The following DPP10 variants were observed in gnomAD, a reference collection of about 807,000 sequenced individuals.
DPP10 encodes inactive dipeptidyl peptidase 10.
DPP10 carries 33 observed loss-of-function variants against 120.9 expected under a neutral mutation model. That is an observed-to-expected ratio of 0.27 (90% CI 0.21 to 0.37). The LOEUF (loss-of-function observed/expected upper bound fraction) is 0.37. DPP10 is among the 10% of genes least tolerant of loss of function. The pLI, the probability that DPP10 is intolerant of heterozygous loss-of-function variation, is 1.00. For synonymous variants in DPP10, 337 were observed against 326.1 expected, an observed-to-expected ratio of 1.03 and a Z score of -0.36; for missense variants, 816 against 942.8, an observed-to-expected ratio of 0.87 and a Z score of 1.76.
chr2:115,105,044 C>T (rs1250458852), intron 1 of DPP10, among the ~76,000 whole-genome samples: 2 of 151,972 alleles, frequency 1.3e-5, no homozygotes, highest in Admixed American at 6.6e-5. Flanking sequence ...TCAACGTTTG[C>T]TTGAATTGAT....
intron 5 of DPP10, among the ~76,000 whole-genome samples, chr2:115,658,084 AC>A (rs2088559088): frequency 6.6e-6 from 1 of 151,986 alleles, no homozygotes; most frequent in South Asian, 2.1e-4. Context: ...TGTATGAACT[AC>A]TATTTTTGGG....
At chr2:114,958,303 TG>T (rs1698359765) in intron 1 of DPP10, among the ~76,000 whole-genome samples, 1 of 152,112 alleles carries the variant, frequency 6.6e-6, no homozygotes, top group Admixed American at 6.6e-5. Flanking sequence ...AACATACTCT[TG>T]AGTTAGGTTT....
At chr2:114,894,274 A>T (rs147902436) in intron 1 of DPP10, among the ~76,000 whole-genome samples, 2 of 152,336 alleles carry the variant, frequency 1.3e-5, no homozygotes, top group East Asian at 3.9e-4. Flanking sequence ...CTGTCAGACT[A>T]CAAGGTGCAT....
rs139799665 is a variant in DPP10, at chr2:115,232,164, A to AG, written c.61-77073dup. On this transcript the variant is annotated intron_variant, in intron 1 of 25. Coordinates refer to ENST00000410059, the MANE Select transcript of DPP10 (RefSeq NM_020868.6). ...ACACACTTTCCACCTTGGCATCGGAAGGCTCCCCTGTAACATTCTAGCCTG... is the reference window on the plus strand; with the variant it reads ...ACACACTTTCCACCTTGGCATCGGAAGGGCTCCCCTGTAACATTCTAGCCTG... 2.2e-3 allele frequency among the ~76,000 whole-genome samples: 332 copies of AG among 152,224 alleles called. 8 individuals are homozygous for AG. The East Asian group carries it at 0.053, about 24-fold the overall frequency.
At chr2:115,279,172 ACAT>A (rs1478436422) in intron 1 of DPP10, among the ~76,000 whole-genome samples, 1 of 152,018 alleles carries the variant, frequency 6.6e-6, no homozygotes, top group Non-Finnish European at 1.5e-5. Flanking sequence ...TGGCTCATGG[ACAT>A]CATTGATTTG....
At chr2:115,129,683 C>T (rs548369276) in intron 1 of DPP10, among the ~76,000 whole-genome samples, 46 of 152,286 alleles carry the variant, frequency 3.0e-4, no homozygotes, top group Non-Finnish European at 5.4e-4. Flanking sequence ...CTGATTACAC[C>T]TGATAGCCCA....
At chr2:114,548,998 T>G (rs1687649255) in intron 1 of DPP10, among the ~76,000 whole-genome samples, 1 of 152,162 alleles carries the variant, frequency 6.6e-6, no homozygotes, top group African/African-American at 2.4e-5. Context: ...CACGAGCACA[T>G]AGAAATAAAA....
At chr2:115,330,270 C>G (rs1267028572) in intron 2 of DPP10, among the ~76,000 whole-genome samples, 1 of 152,112 alleles carries the variant, frequency 6.6e-6, no homozygotes, top group Non-Finnish European at 1.5e-5. Context: ...CTTTTGCCCA[C>G]TTTTTGTTGG....
chr2:115,482,116 C>T (rs768692689), intron 3 of DPP10, among the ~76,000 whole-genome samples: 3 of 152,008 alleles, frequency 2.0e-5, no homozygotes, highest in African/African-American at 7.2e-5. Flanking sequence ...GTATTTGAAA[C>T]TTTTGTCATC....
chr2:115,339,791 G>C (rs927666993), intron 2 of DPP10, among the ~76,000 whole-genome samples: 1 of 152,162 alleles, frequency 6.6e-6, no homozygotes, highest in African/African-American at 2.4e-5. Context: ...GTAGTGGTTG[G>C]TTGCCAAGGG....
At chr2:115,528,710 A>G in intron 5 of DPP10, among the ~76,000 whole-genome samples, 1 of 152,166 alleles carries the variant, frequency 6.6e-6, no homozygotes, top group East Asian at 1.9e-4. Context: ...CAATGTAGAC[A>G]GAAACATGGA....
intron 13 of DPP10, among the ~76,000 whole-genome samples, chr2:115,770,891 A>G (rs536159660): frequency 6.6e-6 from 1 of 152,226 alleles, no homozygotes; most frequent in East Asian, 1.9e-4. Context: ...ATTTTCCCCT[A>G]AAGATTGCAA....
intron 7 of DPP10, among the ~76,000 whole-genome samples, chr2:115,715,034 A>C (rs2092444615): frequency 1.3e-5 from 2 of 150,142 alleles, no homozygotes; most frequent in African/African-American, 4.9e-5. Flanking sequence ...GTCTCAAAAA[A>C]AAAAAAAAAA....
chr2:115,744,631 C>T (rs1048411819), intron 9 of DPP10, among the ~76,000 whole-genome samples: 2 of 150,328 alleles, frequency 1.3e-5, no homozygotes, highest in African/African-American at 2.4e-5. Flanking sequence ...TGGCTCAAAA[C>T]TTCTAACCTG....
intron 1 of DPP10, among the ~76,000 whole-genome samples, chr2:114,749,443 A>T (rs1427760245): frequency 1.3e-5 from 2 of 152,036 alleles, no homozygotes; most frequent in Admixed American, 1.3e-4. Flanking sequence ...TTGCCCAATG[A>T]CTGCCAGTCC....
At chr2:114,591,781 C>A (rs370850462) in intron 1 of DPP10, among the ~76,000 whole-genome samples, 4 of 152,134 alleles carry the variant, frequency 2.6e-5, no homozygotes, top group African/African-American at 9.6e-5. Flanking sequence ...TCTCGAACTC[C>A]TGACCTCATG....
At chr2:114,597,189 G>A (rs1224025321) in intron 1 of DPP10, among the ~76,000 whole-genome samples, 1 of 152,060 alleles carries the variant, frequency 6.6e-6, no homozygotes, top group Non-Finnish European at 1.5e-5. Flanking sequence ...GGCATGGGCA[G>A]TGTCACCTAC....
intron 1 of DPP10, among the ~76,000 whole-genome samples, chr2:114,802,749 C>T (rs1316371157): frequency 1.3e-5 from 2 of 152,184 alleles, no homozygotes; most frequent in Non-Finnish European, 2.9e-5. Flanking sequence ...AATCATTATG[C>T]TCTCACCAAG....
At chr2:115,759,775 C>T (rs561294940) in intron 11 of DPP10, among the ~76,000 whole-genome samples, 48 of 152,128 alleles carry the variant, frequency 3.2e-4, no homozygotes, top group African/African-American at 1.0e-3. Context: ...CTTTGGGAGG[C>T]GGAGGCGGGC....
Sources: allele counts gnomAD v4.1 joint callset (sites outside exome capture counted in the v4.1 genomes callset), GRCh38; gene constraint gnomAD v4.1.1; transcripts MANE v1.5; gene names NCBI Gene and HGNC (gene_info 2026-07-23, HGNC 2026-07-21).